The following TMCC1 variants were observed in gnomAD, a reference collection of about 807,000 sequenced individuals.
TMCC1 encodes transmembrane and coiled-coil domain family 1.
TMCC1 carries 15 observed loss-of-function variants against 52.4 expected under a neutral mutation model. The observed-to-expected ratio is 0.29, with a 90% CI of 0.19 to 0.44. The LOEUF is 0.44. Among genes scored for constraint, TMCC1 ranks in the 20% least tolerant of loss-of-function variants. The pLI, the probability that TMCC1 is intolerant of heterozygous loss-of-function variation, is 1.00. For synonymous variants in TMCC1, 279 were observed against 301.9 expected (o/e 0.92, Z 0.79); for missense variants, 503 against 806.0 (o/e 0.62, Z 4.55).
chr3:129,795,772 T>A (rs1225106321), intron 4 of TMCC1, among the ~76,000 whole-genome samples: 1 of 152,254 alleles, frequency 6.6e-6, no homozygotes. Context: ...CATGCCATCC[T>A]ACCTGGGATG....
At chr3:129,864,813 T>G (rs1160507790) in intron 2 of TMCC1, among the ~76,000 whole-genome samples, 1 of 152,226 alleles carries the variant, frequency 6.6e-6, no homozygotes, top group Non-Finnish European at 1.5e-5. Flanking sequence ...TTTCCTGTAG[T>G]AAAATCCCCT....
At chr3:129,836,299 A>T (rs2059155851) in intron 2 of TMCC1, among the ~76,000 whole-genome samples, 1 of 152,178 alleles carries the variant, frequency 6.6e-6, no homozygotes, top group Non-Finnish European at 1.5e-5. Context: ...AGAACAAATG[A>T]CTCAAATAAA....
At position 129,827,901 on chromosome 3, in the gene TMCC1, T is replaced by C. The variant is rs779069681; in HGVS notation, c.478A>G (p.Thr160Ala). 6.2e-7 allele frequency: 1 copy of C among 1,613,878 alleles called. No homozygotes were observed. Among genetic ancestry groups the C allele is most frequent in the Non-Finnish European group, 8.5e-7 (1 of 1,179,980 alleles). The change falls in exon 4 of 7, where the codon ACT becomes GCT. Residue 160 changes from threonine to alanine, a missense_variant. By Grantham distance (58) the Thr-to-Ala change is moderately conservative. Coordinates refer to ENST00000393238, the MANE Select transcript of TMCC1 (RefSeq NM_001017395.5). ...QSGRPRSSST[T>A]DAPTSSAMME... ...ATAGCAGAGCTGGTAGGTGCATCAG[T>C]TGTGGATGAAGACCTGGGTCGGCCT... is the stretch of plus-strand genomic sequence containing the variant.
chr3:129,854,372 A>G (rs2060052531), intron 2 of TMCC1, among the ~76,000 whole-genome samples: 2 of 145,262 alleles, frequency 1.4e-5, no homozygotes, highest in African/African-American at 5.1e-5. Context: ...TGGGCAACAC[A>G]GTGAGACTCT....
intron 4 of TMCC1, among the ~76,000 whole-genome samples, chr3:129,752,866 T>C (rs534780731): frequency 2.0e-4 from 30 of 152,234 alleles, no homozygotes; most frequent in African/African-American, 6.5e-4. Flanking sequence ...ACAGGAAGCA[T>C]GGCTGGGGAG....
chr3:129,760,992 G>T (rs1048235520), intron 4 of TMCC1, among the ~76,000 whole-genome samples: 1 of 151,900 alleles, frequency 6.6e-6, no homozygotes, highest in Non-Finnish European at 1.5e-5. Context: ...GCATGCACAC[G>T]CATCCATGTA....
At chr3:129,784,621 TG>T (rs959939034) in intron 4 of TMCC1, among the ~76,000 whole-genome samples, 2 of 147,272 alleles carry the variant, frequency 1.4e-5, no homozygotes, top group African/African-American at 2.5e-5. Flanking sequence ...AAATACATGG[TG>T]GGGGGTGGGG....
At chr3:129,886,606 C>T (rs1219877942) in intron 1 of TMCC1, among the ~76,000 whole-genome samples, 2 of 152,044 alleles carry the variant, frequency 1.3e-5, no homozygotes, top group East Asian at 3.9e-4. Flanking sequence ...CTTGCTACAA[C>T]ATGGATGAAT....
At chr3:129,680,187 A>G (rs2088847622) in intron 4 of TMCC1, among the ~76,000 whole-genome samples, 1 of 152,212 alleles carries the variant, frequency 6.6e-6, no homozygotes, top group South Asian at 2.1e-4. Context: ...TTCTTTGTGA[A>G]CTACATGAAT....
At chr3:129,861,018 A>G (rs1228491538) in intron 2 of TMCC1, 1 of 152,230 alleles carries the variant, frequency 6.6e-6, no homozygotes, top group Non-Finnish European at 1.5e-5. Flanking sequence ...AGTAACTAAC[A>G]TAAGGGGGAC....
chr3:129,684,039 C>A (rs183676097), intron 4 of TMCC1, among the ~76,000 whole-genome samples: 1 of 152,098 alleles, frequency 6.6e-6, no homozygotes, highest in African/African-American at 2.4e-5. Flanking sequence ...CTGTCTCTAA[C>A]GTCTTAAGAA....
intron 4 of TMCC1, among the ~76,000 whole-genome samples, chr3:129,761,409 C>T (rs576309236): frequency 6.6e-6 from 1 of 151,388 alleles, no homozygotes; most frequent in South Asian, 2.1e-4. Context: ...CATGTCAACC[C>T]TGATTTTTTT....
At chr3:129,779,047 AT>A (rs1560400338) in intron 4 of TMCC1, among the ~76,000 whole-genome samples, 1 of 151,802 alleles carries the variant, frequency 6.6e-6, no homozygotes, top group Non-Finnish European at 1.5e-5. Context: ...AAACAACCGT[AT>A]CTTGATTTGG....
chr3:129,771,768 C>T (rs75374576), intron 4 of TMCC1, among the ~76,000 whole-genome samples: 7,065 of 79,872 alleles, frequency 0.088, 271 homozygotes, highest in Middle Eastern at 0.29. Context: ...GAGCAAGACA[C>T]TGTCTCAAAA....
chr3:129,826,327 T>A (rs1453178399), intron 4 of TMCC1, among the ~76,000 whole-genome samples: 1 of 129,904 alleles, frequency 7.7e-6, no homozygotes, highest in Non-Finnish European at 1.6e-5. Context: ...CAAGGCAAAA[T>A]CTCCTCTCTA....
chr3:129,828,535 A>C lies in TMCC1; in HGVS notation c.-130-27T>G, dbSNP rs964260362. 2 of 651,504 alleles carry C rather than the reference A, an allele frequency of 3.1e-6. No individual in the cohort carries two copies. The highest frequency in any genetic ancestry group is 2.5e-5 in the South Asian group (1 of 40,518). The allele number at this position is 651,504 out of a possible 1,614,324, so 40.4% of individuals were successfully genotyped here. ...TAATGTTAAAAACAAAAAAACAAAA[A>C]AACAAAAAAAAAACCTTATATTATA... On this transcript the variant is annotated intron_variant, in intron 3 of 6. Transcript: ENST00000393238. This position sits in a 1 kb window ranked among gnomAD's most constrained non-coding sequence, Gnocchi z 4.1.
intron 4 of TMCC1, among the ~76,000 whole-genome samples, chr3:129,701,379 G>C (rs2047819997): frequency 6.6e-6 from 1 of 152,090 alleles, no homozygotes; most frequent in African/African-American, 2.4e-5. Context: ...GTCCCTAATT[G>C]CATTAACCTC....
intron 4 of TMCC1, among the ~76,000 whole-genome samples, chr3:129,738,965 C>T (rs539524073): frequency 8.5e-5 from 13 of 152,096 alleles, no homozygotes; most frequent in South Asian, 2.1e-4. Context: ...TACAGGCACG[C>T]GCCACCACGC....
intron 5 of TMCC1, among the ~76,000 whole-genome samples, chr3:129,658,561 C>T (rs184323859): frequency 3.7e-4 from 57 of 152,302 alleles, no homozygotes; most frequent in Admixed American, 7.2e-4. Context: ...GGCTCTGACT[C>T]GGCTTTGACC....
Sources: allele counts gnomAD v4.1 joint callset (sites outside exome capture counted in the v4.1 genomes callset), GRCh38; gene constraint gnomAD v4.1.1; non-coding constraint Gnocchi (gnomAD v3.1); transcripts MANE v1.5; gene names NCBI Gene and HGNC (gene_info 2026-07-23, HGNC 2026-07-21).